Variants in ABCG1 observed in about 807,000 individuals in gnomAD.
The protein encoded by ABCG1 is ATP-binding cassette sub-family G member 1.
A neutral mutation model predicts 69.2 loss-of-function variants in ABCG1; 29 were observed. The observed-to-expected ratio is 0.42, with a 90% CI of 0.31 to 0.57. ABCG1 has a LOEUF of 0.57. Ranked by LOEUF, ABCG1 falls within the 20% of genes least tolerant of loss-of-function variation. The pLI, the probability that ABCG1 is intolerant of heterozygous loss-of-function variation, is 0.15. For synonymous variants in ABCG1, 370 were observed against 374.8 expected, an observed-to-expected ratio of 0.99 and a Z score of 0.15; for missense variants, 718 against 898.1, an observed-to-expected ratio of 0.80 and a Z score of 2.56.
chr21:42,233,656 A>G (rs1283468281), intron 2 of ABCG1, among the ~76,000 whole-genome samples: 1 of 152,236 alleles, frequency 6.6e-6, no homozygotes, highest in Non-Finnish European at 1.5e-5. Context: ...ATACATTACA[A>G]TCCAGAGCTA....
chr21:42,283,556 C>T lies in ABCG1; in HGVS notation c.735-1004C>T, dbSNP rs533128466. Among the ~76,000 whole-genome samples the T allele has an allele frequency of 2.2e-3, 330 of 152,302 alleles. 3 individuals carry two copies. Among genetic ancestry groups the T allele is most frequent in the Non-Finnish European group, 3.6e-3 (244 of 68,008 alleles). On this transcript the variant is annotated intron_variant, in intron 6 of 14. Coordinates refer to ENST00000398449, the MANE Select transcript of ABCG1 (RefSeq NM_016818.3). ...ACCTTCTATGGGGTGATGCCCCCAT[C>T]GCCAGCCCCATAGATGGGAGGTGGG...
Position 42,287,902 on chromosome 21 carries a change from A to T in ABCG1, c.987A>T (p.Ala329=). ...TGTCTCCTGCAGTCATGGAGGTTGCATCCGGCGAGTACGGTGATCAGAACA... is the reference window on the plus strand; with the variant it reads ...TGTCTCCTGCAGTCATGGAGGTTGCTTCCGGCGAGTACGGTGATCAGAACA... ...HNPADFVMEV[A]SGEYGDQNSR... The change falls in exon 9 of 15, where the codon GCA becomes GCT. Residue 329 remains alanine, a synonymous_variant. Coordinates refer to ENST00000398449, the MANE Select transcript of ABCG1 (RefSeq NM_016818.3). The surrounding 1 kb of genome is among the most constrained non-coding windows in gnomAD (Gnocchi z 6.2). The T allele has an allele frequency of 6.3e-7, 1 of 1,590,320 alleles. No individual in the cohort carries two copies. The highest frequency in any genetic ancestry group is 8.6e-7 in the Non-Finnish European group (1 of 1,165,650).
chr21:42,245,787 G>A (rs1391410534), intron 2 of ABCG1, among the ~76,000 whole-genome samples: 1 of 115,562 alleles, frequency 8.7e-6, no homozygotes, highest in African/African-American at 3.3e-5. Flanking sequence ...GCACATCTAA[G>A]CATCTTGGCA....
chr21:42,290,653 G>A (rs1348430256), intron 11 of ABCG1, among the ~76,000 whole-genome samples: 1 of 152,196 alleles, frequency 6.6e-6, no homozygotes, highest in Non-Finnish European at 1.5e-5. Context: ...TTGGCTGACA[G>A]TGAACACAGC....
In ABCG1 at chr21:42,288,009, C is replaced by G; in HGVS notation, c.1094C>G (p.Pro365Arg). 1 of 1,612,610 alleles carries G rather than the reference C, an allele frequency of 6.2e-7. No homozygotes were observed. The highest frequency in any genetic ancestry group is 1.3e-5 in the African/African-American group (1 of 74,986). Residue 365 changes from proline (P) to arginine (R), a missense_variant, in exon 9 of 15, where the codon CCT becomes CGT. This residue lies in a region of ABCG1 where 514 missense variants were observed against 574.3 expected (regional missense o/e 0.90). Coordinates refer to ENST00000398449, the MANE Select transcript of ABCG1 (RefSeq NM_016818.3). The surrounding 1 kb of genome is among the most constrained non-coding windows in gnomAD (Gnocchi z 4.8). The stretch of plus-strand genomic sequence containing the variant: ...CTCGGGGGTGATGCCGAGGTGAACC[C>G]TTTTCTTTGGCACCGGCCCTCTGAA... ...RDLGGDAEVN[P>R]FLWHRPSEED...
upstream of ABCG1, among the ~76,000 whole-genome samples, chr21:42,212,846 A>G (rs1182989286): frequency 6.6e-6 from 1 of 151,726 alleles, no homozygotes; most frequent in Non-Finnish European, 1.5e-5. Context: ...GGTGCCCGCT[A>G]CCATGCCCGG....
chr21:42,293,968 ACACACACTC>A (rs2069151369), intron 13 of ABCG1, among the ~76,000 whole-genome samples: 1 of 148,336 alleles, frequency 6.7e-6, no homozygotes, highest in Non-Finnish European at 1.5e-5. Flanking sequence ...CACACTCCAC[ACACACACTC>A]CACACACACA....
At chr21:42,283,371 C>T (rs978891007) in intron 6 of ABCG1, among the ~76,000 whole-genome samples, 23 of 152,186 alleles carry the variant, frequency 1.5e-4, no homozygotes, top group Admixed American at 7.2e-4. Context: ...GGGGGACTGC[C>T]CAACACACAC....
intron 2 of ABCG1, among the ~76,000 whole-genome samples, chr21:42,227,937 GC>G (rs1245477819): frequency 1.3e-5 from 2 of 152,076 alleles, no homozygotes; most frequent in African/African-American, 4.8e-5. Context: ...TGAGGGAACC[GC>G]CCCCAGGATC....
At chr21:42,246,343 A>C (rs1205982612) in intron 2 of ABCG1, among the ~76,000 whole-genome samples, 1 of 152,248 alleles carries the variant, frequency 6.6e-6, no homozygotes, top group Non-Finnish European at 1.5e-5. Flanking sequence ...CCTCTTTAAG[A>C]TACTGGCAAA....
At chr21:42,277,300 A>G (rs78877441) in intron 5 of ABCG1, among the ~76,000 whole-genome samples, 3,541 of 152,336 alleles carry the variant, frequency 0.023, 143 homozygotes, top group African/African-American at 0.081. Flanking sequence ...TAAATTTTTT[A>G]TAAGACAATA....
chr21:42,269,998 G>A (rs1054090860), intron 2 of ABCG1, among the ~76,000 whole-genome samples: 1 of 151,070 alleles, frequency 6.6e-6, no homozygotes, highest in Admixed American at 6.6e-5. Context: ...GGGCGCGGTG[G>A]CTCACGCCTG....
At position 42,219,196 on chromosome 21, in the gene ABCG1, C is replaced by G; in HGVS notation, c.-67C>G. 1 of 1,351,562 alleles carries G rather than the reference C, an allele frequency of 7.4e-7. No individual in the cohort carries two copies. The highest frequency in any genetic ancestry group is 1.6e-5 in the South Asian group (1 of 64,028). The allele number at this position is 1,351,562 out of a possible 1,614,324, so 83.7% of individuals were successfully genotyped here. On this transcript the variant is annotated 5_prime_UTR_variant, in exon 1 of 15. Coordinates refer to ENST00000398449, the MANE Select transcript of ABCG1 (RefSeq NM_016818.3). This position sits in a 1 kb window ranked among gnomAD's most constrained non-coding sequence, Gnocchi z 5.3. ...CGGCTGAGCCGGGAGCCAGCGCAGC[C>G]TCGGCCCCGCAGCTCAAGCCTCGTC...
chr21:42,268,391 G>GTGTGTGTGTGTGTGTGTT (rs2068555427), intron 2 of ABCG1, among the ~76,000 whole-genome samples: 2 of 138,268 alleles, frequency 1.4e-5, no homozygotes, highest in Non-Finnish European at 1.7e-5. Context: ...GTGTGTGTGC[G>GTGTGTGTGTGTGTGTGTT]CGCGCGCGCT....
At chr21:42,269,936 C>T (rs1168081616) in intron 2 of ABCG1, among the ~76,000 whole-genome samples, 1 of 152,186 alleles carries the variant, frequency 6.6e-6, no homozygotes, top group African/African-American at 2.4e-5. Context: ...GATTCTTGAT[C>T]ATTTAACAGT....
chr21:42,286,201 C>T, intron 8 of ABCG1: 1 of 537,170 alleles, frequency 1.9e-6, no homozygotes, highest in Non-Finnish European at 3.3e-6. Flanking sequence ...CAGCCTGTCT[C>T]TGCCTCTCTC....
At chr21:42,234,691 G>A (rs1298445691) in intron 2 of ABCG1, among the ~76,000 whole-genome samples, 1 of 152,216 alleles carries the variant, frequency 6.6e-6, no homozygotes, top group Non-Finnish European at 1.5e-5. Flanking sequence ...AAAAAAGCCC[G>A]TCCTTTCTCT....
chr21:42,291,740 C>T lies in ABCG1; in HGVS notation c.1653+84C>T, dbSNP rs2069065727. 9 of 1,419,782 alleles carry T rather than the reference C, an allele frequency of 6.3e-6. No homozygotes were observed. The Middle Eastern group carries it at 9.6e-4, about 151-fold the overall frequency. The allele number at this position is 1,419,782 out of a possible 1,614,324, so 87.9% of individuals were successfully genotyped here. ...TGGCCTGAGCTAGGGGGCTCTGCCACCCCTTCCCCTACTTCTGCCCTGACC... is the reference window on the plus strand; with the variant it reads ...TGGCCTGAGCTAGGGGGCTCTGCCATCCCTTCCCCTACTTCTGCCCTGACC... On this transcript the variant is annotated intron_variant, in intron 13 of 14. Coordinates refer to ENST00000398449, the MANE Select transcript of ABCG1 (RefSeq NM_016818.3). This position sits in a 1 kb window ranked among gnomAD's most constrained non-coding sequence, Gnocchi z 6.4.
intron 2 of ABCG1, among the ~76,000 whole-genome samples, chr21:42,204,169 C>T (rs1167410839): frequency 1.3e-5 from 2 of 152,164 alleles, no homozygotes; most frequent in Non-Finnish European, 2.9e-5. Flanking sequence ...CCTAGGTAGA[C>T]AATCATGTCA....
Sources: allele counts gnomAD v4.1 joint callset (sites outside exome capture counted in the v4.1 genomes callset), GRCh38; gene constraint gnomAD v4.1.1; regional missense constraint gnomAD v4.1.1; non-coding constraint Gnocchi (gnomAD v3.1); transcripts MANE v1.5; gene names NCBI Gene and HGNC (gene_info 2026-07-23, HGNC 2026-07-21).